The following ALLC variants were observed in gnomAD, a reference collection of about 807,000 sequenced individuals.
ALLC encodes the protein allantoicase, also known as probable inactive allantoicase.
ALLC carries 40 observed loss-of-function variants against 45.0 expected under a neutral mutation model. The ratio of observed to expected loss-of-function variants is 0.89; its 90% confidence interval spans 0.69 to 1.16. The LOEUF is 1.16. ALLC is among the 50% of genes most tolerant of loss of function. The pLI is 0.00. For synonymous variants in ALLC, 176 were observed against 178.1 expected, an observed-to-expected ratio of 0.99 and a Z score of 0.09; for missense variants, 488 against 493.1, an observed-to-expected ratio of 0.99 and a Z score of 0.10.
At position 3,702,408 on chromosome 2, in the gene ALLC, C is replaced by G. The variant is rs367803774; in HGVS notation, c.1021C>G (p.Leu341Val). 6.2e-7 allele frequency: 1 copy of G among 1,613,302 alleles called. No individual in the cohort carries two copies. Among genetic ancestry groups the G allele is most frequent in the East Asian group, 2.2e-5 (1 of 44,862 alleles). ...SHLFDSLTLE[L>V]QDVITHARLT... is the part of the protein sequence containing the mutation. ...TCTGTTCGATAGCCTGACCCTAGAG[C>G]TCCAAGATGTCATCACTCACGCCAG... The change falls in exon 12 of 12, where the codon CTC becomes GTC. Residue 341 changes from leucine (L) to valine (V), a missense_variant. Transcript: ENST00000252505.
At position 3,701,613 on chromosome 2, in the gene ALLC, A is replaced by C. The variant is rs1002984154; in HGVS notation, c.952A>C (p.Lys318Gln). ...QKWILPAHKW[K>Q]PLLPVTKLSP... ...GTGGATTCTCCCGGCCCACAAGTGG[A>C]AACCACTGCTTCCAGTGACCAAGGT... Residue 318 changes from lysine to glutamine, a missense_variant, in exon 11 of 12, where the codon AAA becomes CAA. Lys to Gln is a moderately conservative substitution (Grantham distance 53, BLOSUM62 1). Coordinates refer to ENST00000252505, the MANE Select transcript of ALLC (RefSeq NM_018436.4). 6.2e-7 allele frequency: 1 copy of C among 1,611,672 alleles called. No homozygotes were observed. Among genetic ancestry groups the C allele is most frequent in the African/African-American group, 1.3e-5 (1 of 74,900 alleles).
At chr2:3,701,673 CT>C in intron 11 of ALLC, 37 bp downstream of exon 11, 1 of 1,594,288 alleles carries the variant, frequency 6.3e-7, no homozygotes. Context: ...AGCACTCAGA[CT>C]GTGCTATTTC....
chr2:3,673,461 ACTC>A (rs1461099812), intron 2 of ALLC, among the ~76,000 whole-genome samples: 2 of 151,950 alleles, frequency 1.3e-5, no homozygotes, highest in Non-Finnish European at 1.5e-5. Flanking sequence ...TGCCTTTCGA[ACTC>A]CTGGGCTGGA....
chr2:3,695,877 GA>G lies in ALLC; in HGVS notation c.667+6del, dbSNP rs756696348. On this transcript the variant is annotated splice_donor_region_variant and intron_variant, in intron 8 of 11. Transcript: ENST00000252505. ...GGCACCCAAACAATATAATAGGTAAGATGATATTCTTGGAGCTGGCTTATTT... is the reference window on the plus strand; with the variant it reads ...GGCACCCAAACAATATAATAGGTAAGTGATATTCTTGGAGCTGGCTTATTT... 2.9e-5 allele frequency: 46 copies of G among 1,599,092 alleles called. No homozygotes were observed. In the Admixed American group the frequency reaches 8.1e-4, roughly 28 times the overall value.
intron 2 of ALLC, among the ~76,000 whole-genome samples, chr2:3,673,682 G>T (rs1302500211): frequency 2.6e-5 from 4 of 152,226 alleles, no homozygotes; most frequent in Non-Finnish European, 5.9e-5. Context: ...GACCTATGGC[G>T]GCCCTTGTGG....
chr2:3,695,846 A>T lies in ALLC; in HGVS notation c.641A>T (p.Lys214Met). The change falls in exon 8 of 12, where the codon AAG (lysine) becomes ATG (methionine). Residue 214 changes from lysine (K) to methionine (M), a missense_variant. Lys to Met is a moderately conservative substitution (Grantham distance 95). Coordinates refer to ENST00000252505, the MANE Select transcript of ALLC (RefSeq NM_018436.4). ...GTCTGTGTAGGATTTAGTAATGCTA[A>T]GTTTGGGCACCCAAACAATATAATA... ...GGVCVGFSNA[K>M]FGHPNNIIGV... is the part of the protein sequence containing the mutation. 6.2e-7 allele frequency: 1 copy of T among 1,611,896 alleles called. No homozygotes were observed. Among genetic ancestry groups the T allele is most frequent in the Non-Finnish European group, 8.5e-7 (1 of 1,179,298 alleles).
chr2:3,654,841 A>G (rs1666407237), upstream of ALLC, among the ~76,000 whole-genome samples: 1 of 152,252 alleles, frequency 6.6e-6, no homozygotes, highest in Non-Finnish European at 1.5e-5. Flanking sequence ...AAGGCGCAGA[A>G]AGAGGACCGC....
At chr2:3,678,585 C>G in intron 4 of ALLC, 30 bp downstream of exon 4, 2 of 1,579,764 alleles carry the variant, frequency 1.3e-6, no homozygotes, top group Non-Finnish European at 1.7e-6. Flanking sequence ...CATCGAAGTG[C>G]AGCTGACACT....
intron 7 of ALLC, among the ~76,000 whole-genome samples, chr2:3,691,478 G>T (rs1667517005): frequency 6.6e-6 from 1 of 151,890 alleles, no homozygotes; most frequent in Non-Finnish European, 1.5e-5. Context: ...GCCCAGGCTG[G>T]TCTCAAAATC....
At chr2:3,655,501 G>A (rs528243415), upstream of ALLC, among the ~76,000 whole-genome samples, 1 of 152,376 alleles carries the variant, frequency 6.6e-6, no homozygotes, top group African/African-American at 2.4e-5. Context: ...TATTGCCCAG[G>A]CTGGAGAGCA....
At chr2:3,690,180 A>AT (rs911524118) in intron 7 of ALLC, among the ~76,000 whole-genome samples, 1 of 143,534 alleles carries the variant, frequency 7.0e-6, no homozygotes, top group Non-Finnish European at 1.5e-5. Flanking sequence ...CATTGAGTCC[A>AT]TTTACATTCA....
upstream of ALLC, among the ~76,000 whole-genome samples, chr2:3,657,214 C>T (rs904653545): frequency 6.2e-5 from 9 of 145,584 alleles, no homozygotes; most frequent in Admixed American, 2.7e-4. Context: ...GGCTGGGTGG[C>T]GGGGCTGAGA....
At chr2:3,691,917 A>T (rs969188550) in intron 7 of ALLC, among the ~76,000 whole-genome samples, 3 of 152,074 alleles carry the variant, frequency 2.0e-5, no homozygotes, top group African/African-American at 7.2e-5. Flanking sequence ...TTTTTGGTTC[A>T]GCAAATACGT....
rs996594333 is a variant in ALLC, at chr2:3,680,656, G to A, written c.298+662G>A. On this transcript the variant is annotated intron_variant, in intron 5 of 11. Coordinates refer to ENST00000252505, the MANE Select transcript of ALLC (RefSeq NM_018436.4). This position sits in a 1 kb window ranked among gnomAD's most constrained non-coding sequence, Gnocchi z 4.0. ...GTGGCCTTGGGCAGCAGCGAGATGG[G>A]TAAATCTCTGCACTGTTACTGCCCG... Among the ~76,000 whole-genome samples the A allele has an allele frequency of 3.9e-5, 6 of 152,190 alleles. No homozygotes were observed. The highest frequency in any genetic ancestry group is 2.0e-4 in the Admixed American group (3 of 15,282).
chr2:3,686,247 C>G (rs553919293), intron 7 of ALLC, among the ~76,000 whole-genome samples: 1 of 150,886 alleles, frequency 6.6e-6, no homozygotes, highest in African/African-American at 2.4e-5. Context: ...TTCCCCATTG[C>G]GTGTTCTTGG....
rs911832186 is a variant in ALLC, at chr2:3,697,261, T to C, written c.742-87T>C. 17 of 953,838 alleles carry C rather than the reference T, an allele frequency of 1.8e-5. No individual in the cohort carries two copies. The African/African-American group carries it at 2.4e-4, about 14-fold the overall frequency. The allele number at this position is 953,838 out of a possible 1,614,324, so 59.1% of individuals were successfully genotyped here. On this transcript the variant is annotated intron_variant, in intron 9 of 11. Coordinates refer to ENST00000252505, the MANE Select transcript of ALLC (RefSeq NM_018436.4). ...TATAGTAAGAAATAAAAGAAACACG[T>C]CAACCTTTTTCACCTGTTGGTTTTC...
intron 7 of ALLC, among the ~76,000 whole-genome samples, chr2:3,689,171 T>C (rs181401840): frequency 6.6e-6 from 1 of 151,018 alleles, no homozygotes; most frequent in Admixed American, 6.6e-5. Context: ...AAAAAACAAG[T>C]TTTTTGTTTT....
At chr2:3,667,445 C>T (rs959957452) in intron 1 of ALLC, among the ~76,000 whole-genome samples, 2 of 152,184 alleles carry the variant, frequency 1.3e-5, no homozygotes, top group Non-Finnish European at 2.9e-5. Context: ...TCATCGAGCT[C>T]CAGCGCTCTT....
chr2:3,666,437 T>C (rs1666726117), intron 1 of ALLC, among the ~76,000 whole-genome samples: 1 of 152,204 alleles, frequency 6.6e-6, no homozygotes, highest in African/African-American at 2.4e-5. Context: ...AAGGGGTGTG[T>C]GCAGGGGGAG....
Sources: gnomAD v4.1 joint callset for allele counts (sites outside exome capture counted in the v4.1 genomes callset) on GRCh38, gnomAD v4.1.1 for gene constraint, Gnocchi (gnomAD v3.1) non-coding constraint, MANE v1.5 for transcripts, NCBI Gene and HGNC (gene_info 2026-07-23, HGNC 2026-07-21) for gene names.